The following CENPI variants were observed in gnomAD, a reference collection of about 807,000 sequenced individuals.
CENPI encodes centromere protein I.
In CENPI, 4 loss-of-function variants were observed where a neutral mutation model predicts 60.4. The ratio of observed to expected loss-of-function variants is 0.07; its 90% confidence interval spans 0.03 to 0.15. The LOEUF (loss-of-function observed/expected upper bound fraction) is 0.15. Among genes scored for constraint, CENPI ranks in the 10% least tolerant of loss-of-function variants. The pLI is 1.00. For missense variants in CENPI, 444 were observed against 534.5 expected, an observed-to-expected ratio of 0.83 and a Z score of 1.67; for synonymous variants, 157 against 189.4, an observed-to-expected ratio of 0.83 and a Z score of 1.40.
At chrX:101,143,277 A>G (rs139206039) in intron 16 of CENPI, among the ~76,000 whole-genome samples, 151 of 110,121 alleles carry the variant, frequency 1.4e-3, no homozygotes, top group African/African-American at 4.7e-3. Context: ...TTGACTACCT[A>G]GATAGGAGGG....
At chrX:101,161,590 C>T (rs1289564672) in intron 21 of CENPI, 21 bp downstream of exon 21, 3 of 1,166,475 alleles carry the variant, frequency 2.6e-6, no homozygotes, top group African/African-American at 3.5e-5. Context: ...TTACTTTCAT[C>T]GTGTTGAGGG....
chrX:101,138,940 CTACT>C lies in CENPI; in HGVS notation c.1471-1724_1471-1721del, dbSNP rs2089880549. 5.0e-5 allele frequency among the ~76,000 whole-genome samples: 5 copies of C among 100,698 alleles called. No individual in the cohort carries two copies. The Admixed American group carries it at 5.5e-4, about 11-fold the overall frequency. 87.4% of individuals were successfully genotyped at this position (100,698 alleles called of 115,157 possible). ...TGTGCATGGCCAAGATTTTTGTTTT[CTACT>C]TTTTTTTTTTTTTTTTTTAGTTTTA... On this transcript the variant is annotated intron_variant, in intron 15 of 21. Coordinates refer to ENST00000682095, the MANE Select transcript of CENPI (RefSeq NM_001386188.2).
rs1569503140 is a variant in CENPI, at chrX:101,145,044, GT to G, written c.1566-18del. On this transcript the variant is annotated intron_variant, in intron 16 of 21. Coordinates refer to ENST00000682095, the MANE Select transcript of CENPI (RefSeq NM_001386188.2). ...CACTATTGCTACTCTATATCTGAAT[GT>G]TATGGTTTCTTATTGCAGAGAGACA... 2.6e-6 allele frequency: 3 copies of G among 1,168,940 alleles called. No homozygotes were observed. Among genetic ancestry groups the G allele is most frequent in the Non-Finnish European group, 3.5e-6 (3 of 865,242 alleles).
At chrX:101,127,066 A>G in intron 9 of CENPI, 72 bp from the exon 10 acceptor site, 1 of 849,614 alleles carries the variant, frequency 1.2e-6, no homozygotes, top group Non-Finnish European at 1.6e-6. Context: ...TCAATTAATG[A>G]GGCATTTTAG....
intron 20 of CENPI, among the ~76,000 whole-genome samples, chrX:101,153,126 C>A (rs761310831): frequency 2.7e-5 from 3 of 110,042 alleles, no homozygotes; most frequent in Non-Finnish European, 5.7e-5. Context: ...TTCTAGCCAT[C>A]CTGGAAGTGT....
chrX:101,149,056 T>A (rs1024214131), intron 20 of CENPI, among the ~76,000 whole-genome samples: 5 of 110,857 alleles, frequency 4.5e-5, no homozygotes, highest in African/African-American at 1.6e-4. Context: ...TGAAAAAATA[T>A]AAAGGGGCGC....
chrX:101,173,153 C>T, the CENPI span, among the ~76,000 whole-genome samples: 3 of 104,345 alleles, frequency 2.9e-5, no homozygotes, highest in Admixed American at 1.1e-4. Flanking sequence ...GTAGCTGAGA[C>T]TACAGGCGTG....
intron 6 of CENPI, among the ~76,000 whole-genome samples, chrX:101,112,996 T>G: frequency 9.1e-6 from 1 of 109,443 alleles, no homozygotes; most frequent in Non-Finnish European, 1.9e-5. Flanking sequence ...TCTATCCTCC[T>G]TTTTTTGGAT....
intron 8 of CENPI, among the ~76,000 whole-genome samples, chrX:101,121,125 C>T (rs775028621): frequency 3.6e-5 from 4 of 110,819 alleles, no homozygotes; most frequent in Admixed American, 2.9e-4. Flanking sequence ...ATCCACCCGC[C>T]TCGGCCTCCC....
At position 101,132,235 on chromosome X, in the gene CENPI, C is replaced by G. The variant is rs1229611030; in HGVS notation, c.1333C>G (p.Leu445Val). Residue 445 changes from leucine to valine, a missense_variant, in exon 14 of 22, where the codon CTC (leucine) becomes GTC (valine). Physicochemically the swap from Leu to Val is conservative, Grantham distance 32. Coordinates refer to ENST00000682095, the MANE Select transcript of CENPI (RefSeq NM_001386188.2). Reference sequence around the variant, plus strand: ...AGCATTCCTGTATAAGAGCCTTCCTCTCTGGGATGGCCTTTGTTGTCGGTC... The same window carrying G: ...AGCATTCCTGTATAAGAGCCTTCCTGTCTGGGATGGCCTTTGTTGTCGGTC... Reference protein sequence around the residue: ...CEAFLYKSLPLWDGLCCRSQF... With the variant: ...CEAFLYKSLPVWDGLCCRSQF... 8.3e-7 allele frequency: 1 copy of G among 1,207,567 alleles called. No individual in the cohort carries two copies. Among genetic ancestry groups the G allele is most frequent in the Non-Finnish European group, 1.1e-6 (1 of 894,108 alleles).
chrX:101,135,303 G>A (rs1478409425), intron 15 of CENPI, among the ~76,000 whole-genome samples: 1 of 111,044 alleles, frequency 9.0e-6, no homozygotes, highest in Non-Finnish European at 1.9e-5. Context: ...GGACACTGGT[G>A]TAACTGAGGT....
chrX:101,100,825 G>C (rs1283478865), intron 2 of CENPI: 1 of 363,369 alleles, frequency 2.8e-6, no homozygotes, highest in Non-Finnish European at 4.8e-6. Context: ...TAGAAAGCTA[G>C]TTCAGCTGAT....
At chrX:101,132,096 A>G in intron 13 of CENPI, 94 bp from the exon 14 acceptor site, 1 of 598,588 alleles carries the variant, frequency 1.7e-6, no homozygotes, top group Non-Finnish European at 2.7e-6. Context: ...TCTAAGAGTG[A>G]AGCAACTATA....
the CENPI span, among the ~76,000 whole-genome samples, chrX:101,181,663 G>A: frequency 8.9e-6 from 1 of 111,950 alleles, no homozygotes; most frequent in Admixed American, 9.5e-5. Context: ...CTCATTTAAT[G>A]GCCTTAATAG....
At chrX:101,170,846 G>C (rs2090155238), downstream of CENPI, among the ~76,000 whole-genome samples, 1 of 110,388 alleles carries the variant, frequency 9.1e-6, no homozygotes, top group South Asian at 3.9e-4. Context: ...TGCTCAGGCT[G>C]GTCTTGAACT....
At chrX:101,133,550 G>GAGGA (rs994875918) in intron 15 of CENPI, among the ~76,000 whole-genome samples, 9 of 108,968 alleles carry the variant, frequency 8.3e-5, no homozygotes, top group Non-Finnish European at 1.7e-4. Flanking sequence ...GGGGTGGGGA[G>GAGGA]AGGAAGGAAG....
chrX:101,105,703 T>C (rs771359325), intron 4 of CENPI, among the ~76,000 whole-genome samples: 1 of 111,233 alleles, frequency 9.0e-6, no homozygotes, highest in African/African-American at 3.3e-5. Context: ...GACTCCCAAG[T>C]AGATGGGACT....
chrX:101,117,987 A>G (rs2089640199), intron 6 of CENPI, among the ~76,000 whole-genome samples: 1 of 111,806 alleles, frequency 8.9e-6, no homozygotes, highest in African/African-American at 3.3e-5. Flanking sequence ...AATACACAAT[A>G]TTTCTATAGA....
chrX:101,156,125 G>GT (rs2090050390), intron 20 of CENPI, among the ~76,000 whole-genome samples: 1 of 110,473 alleles, frequency 9.1e-6, no homozygotes, highest in Non-Finnish European at 1.9e-5. Context: ...TAATTCTCCT[G>GT]TTTCAGCCTC....
Sources: gnomAD v4.1 joint callset for allele counts (sites outside exome capture counted in the v4.1 genomes callset) on GRCh38, gnomAD v4.1.1 for gene constraint, MANE v1.5 for transcripts, NCBI Gene and HGNC (gene_info 2026-07-23, HGNC 2026-07-21) for gene names.